Variants in TBC1D16 observed in about 807,000 individuals in gnomAD.
TBC1D16 encodes CTD-2529O21.1.
TBC1D16 carries 58 observed loss-of-function variants against 74.7 expected under a neutral mutation model. That is an observed-to-expected ratio of 0.78 (90% confidence interval 0.63 to 0.97). TBC1D16 has a LOEUF of 0.97. TBC1D16 is among the 50% of genes least tolerant of loss of function. TBC1D16 has a pLI of 0.00. For missense variants in TBC1D16, 1,014 were observed against 1,079.5 expected, an observed-to-expected ratio of 0.94 and a Z score of 0.85; for synonymous variants, 493 against 474.7, an observed-to-expected ratio of 1.04 and a Z score of -0.50.
chr17:79,951,450 C>T lies in TBC1D16; in HGVS notation c.1089G>A (p.Gln363=). The change falls in exon 5 of 12, where the codon CAG becomes CAA. Residue 363 remains glutamine (Q), a splice_region_variant and synonymous_variant. Coordinates refer to ENST00000310924, the MANE Select transcript of TBC1D16 (RefSeq NM_019020.4). ...ATTCTGGGGCCGTCTGCTGGGCTAC[C>T]TGGTCTTTGAGCTGCATCTCGGTGC... ...KYCTEMQLKD[Q]QVAPDKTCMQ... The T allele has an allele frequency of 3.7e-6, 6 of 1,613,326 alleles. No homozygotes were observed. The highest frequency in any genetic ancestry group is 5.1e-6 in the Non-Finnish European group (6 of 1,179,646).
rs201617656 is a variant in TBC1D16, at chr17:79,948,840, G to A, written c.1541+32C>T. 5.6e-6 allele frequency: 9 copies of A among 1,613,720 alleles called. No individual in the cohort carries two copies. In the East Asian group the frequency reaches 1.6e-4, roughly 28 times the overall value. On this transcript the variant is annotated intron_variant, in intron 8 of 11. Coordinates refer to ENST00000310924, the MANE Select transcript of TBC1D16 (RefSeq NM_019020.4). The stretch of plus-strand genomic sequence containing the variant: ...GTCAGGTGAGGCTTGCAGACTTGCA[G>A]ATGGGAAAGGAGCTGGCTGGGGAGG...
In TBC1D16 at chr17:79,937,193, T is replaced by C. The variant is rs1051310706; in HGVS notation, c.*3666A>G. ...GCACAGCTTGGGCAGATTCCCATCATCTAGGGGCTGTGCCCCACATCTATT... is the reference window on the plus strand; with the variant it reads ...GCACAGCTTGGGCAGATTCCCATCACCTAGGGGCTGTGCCCCACATCTATT... On this transcript the variant is annotated 3_prime_UTR_variant, in exon 12 of 12. Transcript: ENST00000310924. The C allele has an allele frequency of 3.7e-5, 4 of 106,870 alleles. No homozygotes were observed. Among genetic ancestry groups the C allele is most frequent in the African/African-American group, 1.3e-4 (4 of 31,826 alleles). 6.6% of individuals were successfully genotyped at this position (106,870 alleles called of 1,614,324 possible).
rs1260536020 is a variant in TBC1D16 at position 79,944,114 on chromosome 17, TGTGA to T, written c.1908+790_1908+793del. On this transcript the variant is annotated intron_variant, in intron 10 of 11. Coordinates refer to ENST00000310924, the MANE Select transcript of TBC1D16 (RefSeq NM_019020.4). This position sits in a 1 kb window ranked among gnomAD's most constrained non-coding sequence, Gnocchi z 7.7. ...TTCATCAGACATCAGCCCCCTGCGG[TGTGA>T]GTGAGGACAGGAGACGCTGACGCAA... 14 of 1,535,730 alleles carry T rather than the reference TGTGA, an allele frequency of 9.1e-6. No individual in the cohort carries two copies. The East Asian group carries it at 3.2e-4, about 35-fold the overall frequency.
At chr17:79,963,687 A>G (rs1359105095) in intron 3 of TBC1D16, among the ~76,000 whole-genome samples, 1 of 152,140 alleles carries the variant, frequency 6.6e-6, no homozygotes, top group African/African-American at 2.4e-5. Flanking sequence ...ACCACCTTAC[A>G]TTCCCGCCAG....
At chr17:80,025,156 GGACACACACACCATAGACACACACA>G (rs1224959582) in intron 1 of TBC1D16, among the ~76,000 whole-genome samples, 4 of 132,374 alleles carry the variant, frequency 3.0e-5, no homozygotes, top group South Asian at 2.4e-4. Flanking sequence ...AAACACACCA[GGACACACACACCATAGACACACACA>G]TACCATGACA....
intron 8 of TBC1D16, among the ~76,000 whole-genome samples, chr17:79,948,294 C>G (rs1339857473): frequency 1.3e-4 from 18 of 135,350 alleles, no homozygotes; most frequent in Non-Finnish European, 2.6e-4. Context: ...GTCTGGATGA[C>G]AGAGCGAGAC....
rs2035808250 is a variant in TBC1D16 at position 80,009,789 on chromosome 17, A to G, written c.779+371T>C. On this transcript the variant is annotated intron_variant, in intron 3 of 11. Coordinates refer to ENST00000310924, the MANE Select transcript of TBC1D16 (RefSeq NM_019020.4). The surrounding 1 kb of genome is among the most constrained non-coding windows in gnomAD (Gnocchi z 5.4). Reference sequence around the variant, plus strand: ...GGGCCTCTTGGGCACTCGCTTGGGGACTGAAAATCTCCTGCCCCTCCGGTG... The same window carrying G: ...GGGCCTCTTGGGCACTCGCTTGGGGGCTGAAAATCTCCTGCCCCTCCGGTG... Among the ~76,000 whole-genome samples the G allele has an allele frequency of 6.6e-6, 1 of 152,112 alleles. No individual in the cohort carries two copies. The highest frequency in any genetic ancestry group is 6.5e-5 in the Admixed American group (1 of 15,278).
intron 3 of TBC1D16, among the ~76,000 whole-genome samples, chr17:79,972,114 G>C (rs2034135374): frequency 6.6e-6 from 1 of 152,218 alleles, no homozygotes; most frequent in Non-Finnish European, 1.5e-5. Context: ...GGTGAATGGA[G>C]AAAGAAAGTG....
At chr17:79,984,524 A>C (rs2034733147) in intron 3 of TBC1D16, among the ~76,000 whole-genome samples, 1 of 148,828 alleles carries the variant, frequency 6.7e-6, no homozygotes, top group South Asian at 2.2e-4. Flanking sequence ...GAATTTCCTT[A>C]GGAGCAGGTG....
Position 80,009,776 on chromosome 17 carries a change from C to G in TBC1D16, c.779+384G>C, listed in dbSNP as rs73424001. ...AATGATGCCACCCGGGCCTCTTGGG[C>G]ACTCGCTTGGGGACTGAAAATCTCC... On this transcript the variant is annotated intron_variant, in intron 3 of 11. Coordinates refer to ENST00000310924, the MANE Select transcript of TBC1D16 (RefSeq NM_019020.4). This position sits in a 1 kb window ranked among gnomAD's most constrained non-coding sequence, Gnocchi z 5.4. Among the ~76,000 whole-genome samples, 1,566 of 152,320 alleles carry G rather than the reference C, an allele frequency of 0.01. 15 individuals are homozygous for G. The highest frequency in any genetic ancestry group is 0.02 in the South Asian group (96 of 4,832).
rs896127012 is a variant in TBC1D16 at position 79,990,926 on chromosome 17, A to G, written c.779+19234T>C. 6.6e-6 allele frequency among the ~76,000 whole-genome samples: 1 copy of G among 152,184 alleles called. No individual in the cohort carries two copies. The highest frequency in any genetic ancestry group is 6.5e-5 in the Admixed American group (1 of 15,288). On this transcript the variant is annotated intron_variant, in intron 3 of 11. Transcript: ENST00000310924. The surrounding 1 kb of genome is among the most constrained non-coding windows in gnomAD (Gnocchi z 4.8). ...CGGCGCGTGTCAGAATTGCCTTCCC[A>G]AGGCTGAACGTTCCGCTGGGTGTGT...
rs750585574 is a variant in TBC1D16, at chr17:80,008,394, G to A, written c.779+1766C>T. 1.3e-5 allele frequency among the ~76,000 whole-genome samples: 2 copies of A among 152,134 alleles called. No homozygotes were observed. The highest frequency in any genetic ancestry group is 2.4e-5 in the African/African-American group (1 of 41,422). On this transcript the variant is annotated intron_variant, in intron 3 of 11. Coordinates refer to ENST00000310924, the MANE Select transcript of TBC1D16 (RefSeq NM_019020.4). This position sits in a 1 kb window ranked among gnomAD's most constrained non-coding sequence, Gnocchi z 4.5. ...TGAGCTCCCTACGAGATGGGGCTGC[G>A]GGACAGAGAGCTGACCGGCCAGCTT... is the stretch of plus-strand genomic sequence containing the variant.
chr17:80,012,610 T>C (rs1272405676), intron 2 of TBC1D16, among the ~76,000 whole-genome samples: 1 of 151,972 alleles, frequency 6.6e-6, no homozygotes, highest in East Asian at 1.9e-4. Flanking sequence ...GAAATCTAAC[T>C]CTGTTGCCCA....
chr17:79,991,352 G>A (rs926279878), intron 3 of TBC1D16, among the ~76,000 whole-genome samples: 2 of 151,850 alleles, frequency 1.3e-5, no homozygotes, highest in Non-Finnish European at 2.9e-5. Context: ...TCTCAGGGGA[G>A]GCTGAGGCTG....
At position 79,981,042 on chromosome 17, in the gene TBC1D16, G is replaced by A. The variant is rs2034558009; in HGVS notation, c.780-28224C>T. Among the ~76,000 whole-genome samples, 1 of 152,208 alleles carries A rather than the reference G, an allele frequency of 6.6e-6. No homozygotes were observed. Among genetic ancestry groups the A allele is most frequent in the Non-Finnish European group, 1.5e-5 (1 of 68,032 alleles). ...ACCAACATCCTTTGATAAGACCTTG[G>A]CTACTCATTTATATTCATTTAAATT... On this transcript the variant is annotated intron_variant, in intron 3 of 11. Coordinates refer to ENST00000310924, the MANE Select transcript of TBC1D16 (RefSeq NM_019020.4). This position sits in a 1 kb window ranked among gnomAD's most constrained non-coding sequence, Gnocchi z 6.9.
intron 9 of TBC1D16, among the ~76,000 whole-genome samples, chr17:79,947,148 C>T (rs770693911): frequency 1.2e-4 from 18 of 152,090 alleles, no homozygotes; most frequent in Admixed American, 4.6e-4. Flanking sequence ...GAGGCCTTGA[C>T]GGGAGAGGTG....
rs1232878805 is a variant in TBC1D16 at position 80,035,662 on chromosome 17, C to T, written c.-63+133G>A. ...GCCGGACCCCGGCCCCTCCCCGGTC[C>T]CGCGGCTGCAGGCCCACGCGCCCCA... On this transcript the variant is annotated intron_variant, in intron 1 of 11. Transcript: ENST00000310924. The surrounding 1 kb of genome is among the most constrained non-coding windows in gnomAD (Gnocchi z 5.3). The T allele has an allele frequency of 6.7e-6, 1 of 149,994 alleles. No homozygotes were observed. The allele number at this position is 149,994 out of a possible 1,614,324, so 9.3% of individuals were successfully genotyped here. A position where few individuals can be genotyped will look rare whatever the true frequency, so the allele number is the denominator to read the frequency against.
At chr17:79,972,924 T>C (rs377427753) in intron 3 of TBC1D16, among the ~76,000 whole-genome samples, 127 of 151,500 alleles carry the variant, frequency 8.4e-4, no homozygotes, top group African/African-American at 3.0e-3. Context: ...TCTACTAAAA[T>C]ACAAAAAATT....
intron 1 of TBC1D16, among the ~76,000 whole-genome samples, chr17:80,028,296 C>T (rs947006036): frequency 6.6e-5 from 10 of 152,080 alleles, no homozygotes; most frequent in East Asian, 1.9e-4. Flanking sequence ...TCTGGAAGGC[C>T]GAGGCAGTTG....
Sources: gnomAD v4.1 joint callset for allele counts (sites outside exome capture counted in the v4.1 genomes callset) on GRCh38, gnomAD v4.1.1 for gene constraint, Gnocchi (gnomAD v3.1) non-coding constraint, MANE v1.5 for transcripts, NCBI Gene and HGNC (gene_info 2026-07-23, HGNC 2026-07-21) for gene names.